Variants in COG5 observed in about 807,000 individuals in gnomAD.
COG5 encodes component of oligomeric golgi complex 5.
In COG5, 86 loss-of-function variants were observed where a neutral mutation model predicts 110.4. The observed-to-expected ratio is 0.78, with a 90% CI of 0.65 to 0.93. The LOEUF (loss-of-function observed/expected upper bound fraction) is 0.93, where lower values mean the gene tolerates loss of function less well. Ranked by LOEUF, COG5 falls within the 40% of genes least tolerant of loss-of-function variation. The pLI, the probability that COG5 is intolerant of heterozygous loss-of-function variation, is 0.00. For missense variants in COG5, 1,077 were observed against 987.0 expected (o/e 1.09, Z -1.22); for synonymous variants, 360 against 334.6 (o/e 1.08, Z -0.83).
intron 17 of COG5, among the ~76,000 whole-genome samples, chr7:107,246,343 T>C (rs1018239035): frequency 3.9e-5 from 6 of 151,992 alleles, no homozygotes; most frequent in Admixed American, 2.0e-4. Flanking sequence ...GCAATCACAA[T>C]AAAAGGCAAA....
chr7:107,308,393 AT>A (rs1807914713), intron 11 of COG5, among the ~76,000 whole-genome samples: 1 of 152,190 alleles, frequency 6.6e-6, no homozygotes. Flanking sequence ...AACCACTGAT[AT>A]AGGTAAGAAT....
chr7:107,557,249 T>G (rs6979198), intron 2 of COG5, among the ~76,000 whole-genome samples: 22,653 of 152,174 alleles, frequency 0.15, 2,114 homozygotes, highest in Non-Finnish European at 0.2. Context: ...TGTTTCCTGG[T>G]AAACAATCTA....
intron 6 of COG5, among the ~76,000 whole-genome samples, chr7:107,497,780 T>C (rs757078034): frequency 1.3e-5 from 2 of 151,584 alleles, no homozygotes; most frequent in African/African-American, 4.8e-5. Flanking sequence ...TTTAGAGAAA[T>C]AGAAAAAAAA....
At chr7:107,556,078 A>G in intron 2 of COG5, among the ~76,000 whole-genome samples, 1 of 152,020 alleles carries the variant, frequency 6.6e-6, no homozygotes, top group East Asian at 1.9e-4. Flanking sequence ...AGGTCCTGAG[A>G]CCTGAGAATT....
chr7:107,205,694 T>C (rs914512992), intron 21 of COG5, among the ~76,000 whole-genome samples: 4 of 152,178 alleles, frequency 2.6e-5, no homozygotes, highest in African/African-American at 9.7e-5. Context: ...CTTGCGCAGC[T>C]CTTTATCTCT....
At chr7:107,464,377 A>C (rs746192957) in intron 6 of COG5, among the ~76,000 whole-genome samples, 18 of 152,150 alleles carry the variant, frequency 1.2e-4, no homozygotes, top group Non-Finnish European at 2.4e-4. Flanking sequence ...TCCAGCCTAG[A>C]GAGTGAGCAA....
At chr7:107,392,983 C>A (rs1254335505) in intron 7 of COG5, among the ~76,000 whole-genome samples, 1 of 152,144 alleles carries the variant, frequency 6.6e-6, no homozygotes, top group Non-Finnish European at 1.5e-5. Flanking sequence ...TATTCCAGGT[C>A]ACTGTGTTCT....
At chr7:107,284,226 T>C (rs927036261) in intron 12 of COG5, among the ~76,000 whole-genome samples, 5 of 152,210 alleles carry the variant, frequency 3.3e-5, no homozygotes, top group Non-Finnish European at 2.9e-5. Flanking sequence ...GCCCGGCCTA[T>C]ATTAACATTT....
At chr7:107,337,854 C>T (rs1810836970) in intron 10 of COG5, among the ~76,000 whole-genome samples, 1 of 152,016 alleles carries the variant, frequency 6.6e-6, no homozygotes, top group African/African-American at 2.4e-5. Flanking sequence ...ACCCTAAATA[C>T]CCTAACTTGA....
rs540236425 is a variant in COG5 at position 107,311,118 on chromosome 7, G to A, written c.1109-12772C>T. Among the ~76,000 whole-genome samples the A allele has an allele frequency of 7.9e-5, 12 of 152,220 alleles. No individual in the cohort carries two copies. In the South Asian group the frequency reaches 2.5e-3, roughly 32 times the overall value. On this transcript the variant is annotated intron_variant, in intron 11 of 21. Coordinates refer to ENST00000297135, the MANE Select transcript of COG5 (RefSeq NM_006348.5). ...TAAATTTTTGCCAGTGCATCTATGC[G>A]ATAGATCCTTAAAAGTAGAATTTCG...
At chr7:107,407,341 C>T (rs576141361) in intron 7 of COG5, among the ~76,000 whole-genome samples, 2 of 152,190 alleles carry the variant, frequency 1.3e-5, no homozygotes, top group South Asian at 2.1e-4. Context: ...GAGATCGTGC[C>T]GCTGCACTCC....
intron 12 of COG5, among the ~76,000 whole-genome samples, chr7:107,288,073 G>T (rs1340900179): frequency 6.6e-6 from 1 of 152,134 alleles, no homozygotes; most frequent in Non-Finnish European, 1.5e-5. Flanking sequence ...ATGTTTAATA[G>T]TTTGAAGAGG....
chr7:107,223,882 G>T (rs1270106765), intron 19 of COG5, among the ~76,000 whole-genome samples: 4 of 152,084 alleles, frequency 2.6e-5, no homozygotes, highest in Admixed American at 6.6e-5. Context: ...GCTAAATGAG[G>T]AAGTATCAGT....
At chr7:107,248,584 T>C (rs1584570570) in intron 16 of COG5, 85 bp from the exon 17 acceptor site, 2 of 865,002 alleles carry the variant, frequency 2.3e-6, no homozygotes, top group African/African-American at 3.4e-5. Context: ...AGAAACACCG[T>C]GACTAACAGT....
intron 19 of COG5, among the ~76,000 whole-genome samples, chr7:107,222,434 A>C (rs901462678): frequency 9.2e-5 from 14 of 152,098 alleles, no homozygotes; most frequent in Admixed American, 3.3e-4. Flanking sequence ...TCAAACTCCT[A>C]ACCTCGTGAT....
At chr7:107,258,162 C>CA in intron 15 of COG5, 111 bp downstream of exon 15, 1 of 690,826 alleles carries the variant, frequency 1.4e-6, no homozygotes, top group Non-Finnish European at 2.6e-6. Context: ...ATAATCATCA[C>CA]ATTTTCATTG....
chr7:107,529,133 C>T (rs1283163377), intron 5 of COG5, among the ~76,000 whole-genome samples: 1 of 149,668 alleles, frequency 6.7e-6, no homozygotes, highest in East Asian at 2.0e-4. Context: ...ATAGATAATA[C>T]AAGCACATGA....
intron 7 of COG5, among the ~76,000 whole-genome samples, chr7:107,392,440 C>T (rs775877262): frequency 1.6e-4 from 24 of 152,074 alleles, no homozygotes; most frequent in African/African-American, 5.1e-4. Context: ...AAGGAATAGA[C>T]GGCAGAGTAG....
rs755433775 is a variant in COG5, at chr7:107,443,969, A to G, written c.539-31337T>C. ...AATCTACAGATTCTGCACAAATTAA[A>G]TATTTCAGATTCAGTTACCTTAACA... On this transcript the variant is annotated intron_variant, in intron 6 of 21. Coordinates refer to ENST00000297135, the MANE Select transcript of COG5 (RefSeq NM_006348.5). 9.5e-4 allele frequency among the ~76,000 whole-genome samples: 145 copies of G among 152,324 alleles called. 1 individual carries two copies. Among genetic ancestry groups the G allele is most frequent in the Admixed American group, 4.4e-3 (68 of 15,298 alleles).
Sources: gnomAD v4.1 joint callset for allele counts (sites outside exome capture counted in the v4.1 genomes callset) on GRCh38, gnomAD v4.1.1 for gene constraint, MANE v1.5 for transcripts, NCBI Gene and HGNC (gene_info 2026-07-23, HGNC 2026-07-21) for gene names.